Variants in CLSTN2 observed in about 807,000 individuals in gnomAD.
CLSTN2 encodes calsyntenin-2.
A neutral mutation model predicts 101.2 loss-of-function variants in CLSTN2; 48 were observed. The observed-to-expected ratio is 0.47, with a 90% CI of 0.38 to 0.60. The LOEUF is 0.60. Among genes scored for constraint, CLSTN2 ranks in the 20% least tolerant of loss-of-function variants. The pLI is 0.00. For missense variants in CLSTN2, 1,160 were observed against 1,238.2 expected (o/e 0.94, Z 0.95); for synonymous variants, 481 against 463.6 (o/e 1.04, Z -0.48).
chr3:140,237,849 G>A (rs1339045209), intron 2 of CLSTN2, among the ~76,000 whole-genome samples: 3 of 152,116 alleles, frequency 2.0e-5, no homozygotes, highest in Non-Finnish European at 4.4e-5. Flanking sequence ...TACAAATGGT[G>A]AAACTGAGGC....
intron 1 of CLSTN2, among the ~76,000 whole-genome samples, chr3:139,975,727 G>A (rs1016191932): frequency 1.3e-5 from 2 of 152,134 alleles, no homozygotes; most frequent in African/African-American, 2.4e-5. Context: ...ATAGTGGGAC[G>A]CAGGGGGTGC....
chr3:140,460,487 A>G (rs749960237), intron 7 of CLSTN2: 2 of 152,268 alleles, frequency 1.3e-5, no homozygotes, highest in Non-Finnish European at 2.9e-5. Context: ...GCACAAAGGA[A>G]ATATGATAAT....
intron 1 of CLSTN2, among the ~76,000 whole-genome samples, chr3:140,043,057 T>C (rs534567955): frequency 8.5e-5 from 13 of 152,302 alleles, no homozygotes; most frequent in East Asian, 5.8e-4. Flanking sequence ...GATGGCTGGG[T>C]CAAATGGTAT....
intron 7 of CLSTN2, 69 bp downstream of exon 7, chr3:140,459,838 G>A: frequency 1.3e-6 from 2 of 1,550,510 alleles, no homozygotes; most frequent in Non-Finnish European, 1.8e-6. Flanking sequence ...CAGGTGGCTG[G>A]ACATGGACAC....
chr3:140,325,979 C>T (rs1246487146), intron 2 of CLSTN2, among the ~76,000 whole-genome samples: 1 of 152,164 alleles, frequency 6.6e-6, no homozygotes, highest in East Asian at 1.9e-4. Flanking sequence ...TGTTCAAGTG[C>T]TATTTCTTTA....
intron 1 of CLSTN2, among the ~76,000 whole-genome samples, chr3:140,023,025 CTCT>C (rs754309518): frequency 1.3e-5 from 2 of 152,322 alleles, no homozygotes; most frequent in East Asian, 3.9e-4. Flanking sequence ...CGTTCCTCTG[CTCT>C]TCTTTGGGAG....
At chr3:140,018,627 T>G (rs889227648) in intron 1 of CLSTN2, among the ~76,000 whole-genome samples, 6 of 152,102 alleles carry the variant, frequency 3.9e-5, no homozygotes, top group Non-Finnish European at 7.4e-5. Context: ...TTAGCTCAGT[T>G]TCAAGGCTGA....
At chr3:140,318,528 G>A (rs2087251481) in intron 2 of CLSTN2, among the ~76,000 whole-genome samples, 1 of 152,164 alleles carries the variant, frequency 6.6e-6, no homozygotes, top group African/African-American at 2.4e-5. Flanking sequence ...AGATTATCAA[G>A]GGCCCCCTCA....
At chr3:139,939,242 G>A (rs67271705) in intron 1 of CLSTN2, among the ~76,000 whole-genome samples, 9,345 of 152,166 alleles carry the variant, frequency 0.061, 336 homozygotes, top group Non-Finnish European at 0.082. Context: ...TATGTCACAG[G>A]CACTGTTGCT....
intron 4 of CLSTN2, 56 bp from the exon 5 acceptor site, chr3:140,421,069 A>G (rs1047036021): frequency 4.5e-6 from 7 of 1,558,056 alleles, no homozygotes; most frequent in Non-Finnish European, 6.1e-6. Context: ...GATTTGGGAG[A>G]AGTACAAGTG....
intron 2 of CLSTN2, among the ~76,000 whole-genome samples, chr3:140,307,092 GCTCT>G (rs892415033): frequency 1.3e-5 from 2 of 151,912 alleles, no homozygotes; most frequent in African/African-American, 4.8e-5. Context: ...CCCTGCACAA[GCTCT>G]CTCTCTTTGC....
intron 5 of CLSTN2, among the ~76,000 whole-genome samples, chr3:140,438,654 A>T (rs965676369): frequency 6.6e-6 from 1 of 152,104 alleles, no homozygotes; most frequent in Non-Finnish European, 1.5e-5. Flanking sequence ...CTAATAATAC[A>T]TTTGTCAAGA....
intron 8 of CLSTN2, among the ~76,000 whole-genome samples, chr3:140,467,315 A>G (rs1482954083): frequency 6.6e-6 from 1 of 152,184 alleles, no homozygotes; most frequent in Non-Finnish European, 1.5e-5. Context: ...AAAGCTTTGA[A>G]GTATGTTTCT....
intron 2 of CLSTN2, among the ~76,000 whole-genome samples, chr3:140,199,067 G>A (rs1244041514): frequency 6.6e-6 from 1 of 152,176 alleles, no homozygotes; most frequent in Non-Finnish European, 1.5e-5. Flanking sequence ...CTAACTCTGA[G>A]CCTTTCTCTC....
intron 2 of CLSTN2, among the ~76,000 whole-genome samples, chr3:140,380,629 C>T (rs2087969835): frequency 6.6e-6 from 1 of 152,160 alleles, no homozygotes; most frequent in Non-Finnish European, 1.5e-5. Context: ...ATCCTATTTC[C>T]TACAAAGTAC....
intron 10 of CLSTN2, 31 bp from the exon 11 acceptor site, chr3:140,556,482 C>G: frequency 6.2e-7 from 1 of 1,612,252 alleles, no homozygotes; most frequent in Non-Finnish European, 8.5e-7. Flanking sequence ...ACTGACCATT[C>G]TCTTCCATGA....
At chr3:140,317,999 C>T (rs148310604) in intron 2 of CLSTN2, among the ~76,000 whole-genome samples, 7 of 152,302 alleles carry the variant, frequency 4.6e-5, no homozygotes, top group East Asian at 3.9e-4. Flanking sequence ...TGTGAGCCAG[C>T]GCACATTACC....
At chr3:140,151,155 A>T (rs1254559212) in intron 1 of CLSTN2, among the ~76,000 whole-genome samples, 1 of 152,122 alleles carries the variant, frequency 6.6e-6, no homozygotes, top group Non-Finnish European at 1.5e-5. Context: ...TGGAACAATA[A>T]GATCCTTTTG....
chr3:140,247,491 A>G (rs1026908514), intron 2 of CLSTN2, among the ~76,000 whole-genome samples: 3 of 152,238 alleles, frequency 2.0e-5, no homozygotes, highest in Admixed American at 2.0e-4. Flanking sequence ...GCCTAAAATT[A>G]TCAATGTCAA....
Sources: allele counts gnomAD v4.1 joint callset (sites outside exome capture counted in the v4.1 genomes callset), GRCh38; gene constraint gnomAD v4.1.1; transcripts MANE v1.5; gene names NCBI Gene and HGNC (gene_info 2026-07-23, HGNC 2026-07-21).